ARHGAP32: variants seen among roughly 807,000 people sequenced by gnomAD.
ARHGAP32 encodes the protein Rho GTPase activating protein 32.
Under a neutral mutation model 186.5 loss-of-function variants are expected in ARHGAP32, and 51 were observed. The observed-to-expected ratio is 0.27, with a 90% confidence interval of 0.22 to 0.35. ARHGAP32 has a LOEUF of 0.35. ARHGAP32 is among the 10% of genes least tolerant of loss of function. The pLI, the probability that ARHGAP32 is intolerant of heterozygous loss-of-function variation, is 1.00. For missense variants in ARHGAP32, 2,186 were observed against 2,623.5 expected, an observed-to-expected ratio of 0.83 and a Z score of 3.64; for synonymous variants, 950 against 964.3, an observed-to-expected ratio of 0.99 and a Z score of 0.27.
At chr11:129,096,849 T>C (rs944646844) in intron 5 of ARHGAP32, among the ~76,000 whole-genome samples, 1 of 152,184 alleles carries the variant, frequency 6.6e-6, no homozygotes, top group Non-Finnish European at 1.5e-5. Context: ...GAAAATATAA[T>C]AGACTAGGGC....
chr11:129,151,775 G>A (rs1437469061), intron 2 of ARHGAP32, among the ~76,000 whole-genome samples: 2 of 151,932 alleles, frequency 1.3e-5, no homozygotes, highest in African/African-American at 2.4e-5. Context: ...GGCTAAGAGT[G>A]AAAACAGACT....
chr11:129,219,060 C>G (rs1247730500), intron 1 of ARHGAP32, among the ~76,000 whole-genome samples: 1 of 152,168 alleles, frequency 6.6e-6, no homozygotes, highest in Admixed American at 6.5e-5. Flanking sequence ...GAGACAGCCA[C>G]CCTACATCAA....
chr11:129,160,178 T>C (rs561959832), intron 2 of ARHGAP32, among the ~76,000 whole-genome samples: 35 of 152,268 alleles, frequency 2.3e-4, no homozygotes, highest in African/African-American at 7.5e-4. Context: ...AGCATTCCCA[T>C]TGAAAATCAG....
intron 1 of ARHGAP32, among the ~76,000 whole-genome samples, chr11:129,227,892 A>C (rs1944806958): frequency 6.6e-6 from 1 of 152,138 alleles, no homozygotes; most frequent in Admixed American, 6.6e-5. Context: ...GACCTAACAG[A>C]CACCTACAGG....
chr11:129,017,901 T>G (rs1485859344), intron 11 of ARHGAP32, among the ~76,000 whole-genome samples: 1 of 152,176 alleles, frequency 6.6e-6, no homozygotes, highest in East Asian at 1.9e-4. Context: ...GGAACAAGTG[T>G]TGACCTTTAT....
At chr11:129,188,886 T>C (rs1306234616) in intron 1 of ARHGAP32, among the ~76,000 whole-genome samples, 1 of 152,218 alleles carries the variant, frequency 6.6e-6, no homozygotes, top group Non-Finnish European at 1.5e-5. Flanking sequence ...TCAAATTATA[T>C]GTCATATTTG....
At chr11:129,211,875 C>T (rs550091116) in intron 1 of ARHGAP32, among the ~76,000 whole-genome samples, 1 of 152,138 alleles carries the variant, frequency 6.6e-6, no homozygotes, top group Admixed American at 6.6e-5. Context: ...CTAAAATTGG[C>T]CAGGTGTGGT....
intron 10 of ARHGAP32, among the ~76,000 whole-genome samples, chr11:129,041,646 C>G (rs1939597719): frequency 1.3e-5 from 2 of 152,206 alleles, no homozygotes; most frequent in African/African-American, 4.8e-5. Context: ...TGTCAACAGA[C>G]TCTGGCTTTG....
At chr11:129,057,520 A>T (rs10893963) in intron 10 of ARHGAP32, among the ~76,000 whole-genome samples, 41,137 of 151,502 alleles carry the variant, frequency 0.27, 6,072 homozygotes, top group Middle Eastern at 0.41. Flanking sequence ...TGAATTCCTA[A>T]CCCCCAGAAA....
intron 1 of ARHGAP32, among the ~76,000 whole-genome samples, chr11:129,216,204 A>ACCTGTATGCAGCAG (rs1944642457): frequency 1.3e-5 from 2 of 152,100 alleles, no homozygotes; most frequent in African/African-American, 4.8e-5. Flanking sequence ...AGCAACAAAC[A>ACCTGTATGCAGCAG]CACCATGCAG....
At chr11:129,086,716 A>G (rs972526636) in intron 6 of ARHGAP32, among the ~76,000 whole-genome samples, 190 of 151,384 alleles carry the variant, frequency 1.3e-3, no homozygotes, top group African/African-American at 3.9e-3. Context: ...AGCTACTCAG[A>G]AGGCTGAGGC....
intron 2 of ARHGAP32, among the ~76,000 whole-genome samples, chr11:129,131,261 A>G (rs1459382306): frequency 1.3e-5 from 2 of 152,198 alleles, no homozygotes; most frequent in Non-Finnish European, 2.9e-5. Flanking sequence ...GACAAACATT[A>G]GTGCATTTTA....
intron 5 of ARHGAP32, among the ~76,000 whole-genome samples, chr11:129,115,002 G>A (rs1447529502): frequency 2.0e-5 from 3 of 152,002 alleles, no homozygotes; most frequent in Admixed American, 6.6e-5. Context: ...CCTAATCAAC[G>A]GATTGCAAAT....
chr11:129,133,338 CAAT>C (rs1453964025), intron 2 of ARHGAP32, among the ~76,000 whole-genome samples: 1 of 151,932 alleles, frequency 6.6e-6, no homozygotes, highest in East Asian at 1.9e-4. Context: ...AGAAAAAACA[CAAT>C]AATACAGGAA....
intron 6 of ARHGAP32, among the ~76,000 whole-genome samples, chr11:129,081,633 G>A (rs192604109): frequency 9.9e-5 from 15 of 151,740 alleles, no homozygotes; most frequent in African/African-American, 1.7e-4. Context: ...TGACAAACCC[G>A]CAGCAAACAT....
In ARHGAP32 at chr11:128,965,156, A is replaced by G. The variant is rs1945192675; in HGVS notation, c.*3751T>C. 6.6e-6 allele frequency: 1 copy of G among 152,012 alleles called. No individual in the cohort carries two copies. Among genetic ancestry groups the G allele is most frequent in the East Asian group, 1.9e-4 (1 of 5,190 alleles). 9.4% of individuals were successfully genotyped at this position (152,012 alleles called of 1,614,324 possible). On this transcript the variant is annotated 3_prime_UTR_variant, in exon 23 of 23. Coordinates refer to ENST00000682385, the MANE Select transcript of ARHGAP32 (RefSeq NM_001378024.1). ...GATATCTCCATCTCCAGGTACAAAA[A>G]TCCCTTCCTCCCTCCCCTGCCACCC...
At chr11:129,271,492 A>G (rs1464379005) in intron 1 of ARHGAP32, among the ~76,000 whole-genome samples, 1 of 151,980 alleles carries the variant, frequency 6.6e-6, no homozygotes, top group East Asian at 1.9e-4. Flanking sequence ...AGGAAGAGTA[A>G]TTCATAGCCC....
At chr11:129,099,592 GATGGAAA>G (rs1404527046) in intron 5 of ARHGAP32, among the ~76,000 whole-genome samples, 2 of 152,094 alleles carry the variant, frequency 1.3e-5, no homozygotes, top group African/African-American at 4.8e-5. Flanking sequence ...AAAGTGGAAG[GATGGAAA>G]AAGATATTCC....
At chr11:129,074,562 C>T (rs1157710580) in intron 6 of ARHGAP32, among the ~76,000 whole-genome samples, 2 of 152,054 alleles carry the variant, frequency 1.3e-5, no homozygotes, top group East Asian at 1.9e-4. Flanking sequence ...GGTCTGATCT[C>T]GGCTCACTGC....
Sources: gnomAD v4.1 joint callset for allele counts (sites outside exome capture counted in the v4.1 genomes callset) on GRCh38, gnomAD v4.1.1 for gene constraint, MANE v1.5 for transcripts, NCBI Gene and HGNC (gene_info 2026-07-23, HGNC 2026-07-21) for gene names.